The following SLMAP variants were observed in gnomAD, a reference collection of about 807,000 sequenced individuals.
SLMAP encodes sarcolemmal membrane-associated protein.
SLMAP carries 44 observed loss-of-function variants against 128.8 expected under a neutral mutation model. The ratio of observed to expected loss-of-function variants is 0.34; its 90% CI spans 0.27 to 0.44. The LOEUF (loss-of-function observed/expected upper bound fraction) is 0.44, where lower values mean the gene tolerates loss of function less well. SLMAP is among the 20% of genes least tolerant of loss of function. The pLI is 1.00. For synonymous variants in SLMAP, 327 were observed against 348.8 expected, an observed-to-expected ratio of 0.94 and a Z score of 0.70; for missense variants, 787 against 985.3, an observed-to-expected ratio of 0.80 and a Z score of 2.69.
intron 2 of SLMAP, among the ~76,000 whole-genome samples, chr3:57,768,084 T>C (rs1482374082): frequency 6.6e-6 from 1 of 152,184 alleles, no homozygotes; most frequent in Non-Finnish European, 1.5e-5. Context: ...GAAACAGCCT[T>C]GGAAAAACTT....
chr3:57,760,783 A>G (rs1376840149), intron 2 of SLMAP, among the ~76,000 whole-genome samples: 2 of 151,542 alleles, frequency 1.3e-5, no homozygotes, highest in East Asian at 3.9e-4. Context: ...GCTGGAGTGC[A>G]ATGGCGCGAT....
intron 5 of SLMAP, among the ~76,000 whole-genome samples, chr3:57,849,314 T>A (rs999660833): frequency 6.6e-6 from 1 of 152,204 alleles, no homozygotes; most frequent in East Asian, 1.9e-4. Context: ...TGACTTACAG[T>A]GTTTAAACAC....
intron 2 of SLMAP, among the ~76,000 whole-genome samples, chr3:57,830,163 T>A (rs576602111): frequency 2.6e-5 from 4 of 152,100 alleles, no homozygotes; most frequent in Non-Finnish European, 5.9e-5. Context: ...GCCTCCCAAG[T>A]AGCTGGGATT....
chr3:57,925,503 T>A (rs2096991620), intron 23 of SLMAP, among the ~76,000 whole-genome samples: 1 of 151,926 alleles, frequency 6.6e-6, no homozygotes, highest in African/African-American at 2.4e-5. Context: ...AACTTTTGTA[T>A]TTTTAGTAGA....
At chr3:57,782,563 C>G (rs1277416081) in intron 2 of SLMAP, among the ~76,000 whole-genome samples, 39 of 152,154 alleles carry the variant, frequency 2.6e-4, no homozygotes, top group Non-Finnish European at 4.4e-5. Flanking sequence ...ACTTCCACTT[C>G]CTGGGCTCAA....
intron 3 of SLMAP, among the ~76,000 whole-genome samples, chr3:57,832,067 C>T (rs1172497390): frequency 2.0e-5 from 3 of 152,230 alleles, no homozygotes; most frequent in Non-Finnish European, 4.4e-5. Context: ...TCTTGTGTGG[C>T]TCTCTTCTTA....
At chr3:57,854,319 G>A (rs1327069413) in intron 6 of SLMAP, among the ~76,000 whole-genome samples, 11 of 8,712 alleles carry the variant, frequency 1.3e-3, no homozygotes, top group South Asian at 7.1e-3. Context: ...TATATTGGCC[G>A]GGCACGGGGG....
At chr3:57,915,231 A>G (rs887573021) in intron 21 of SLMAP, among the ~76,000 whole-genome samples, 1 of 152,198 alleles carries the variant, frequency 6.6e-6, no homozygotes, top group African/African-American at 2.4e-5. Context: ...ATTAATTGGA[A>G]TCTGGCAGAT....
At position 57,896,035 on chromosome 3, in the gene SLMAP, T is replaced by G. The variant is rs532924824; in HGVS notation, c.1361-476T>G. Among the ~76,000 whole-genome samples the G allele has an allele frequency of 2.2e-5, 3 of 138,268 alleles. No homozygotes were observed. In the South Asian group the frequency reaches 7.4e-4, roughly 34 times the overall value. 90.7% of individuals were successfully genotyped at this position (138,268 alleles called of 152,430 possible). Reference sequence around the variant, plus strand: ...TTAATTTTCTTATTTTAAGTGGCACTTTTTTATAAGAACTGATCGTGGTTT... The same window carrying G: ...TTAATTTTCTTATTTTAAGTGGCACGTTTTTATAAGAACTGATCGTGGTTT... On this transcript the variant is annotated intron_variant, in intron 15 of 24. Coordinates refer to ENST00000671191, the MANE Select transcript of SLMAP (RefSeq NM_001377540.1).
intron 6 of SLMAP, among the ~76,000 whole-genome samples, chr3:57,856,010 T>C (rs1461709527): frequency 1.3e-5 from 2 of 150,912 alleles, no homozygotes; most frequent in African/African-American, 4.9e-5. Context: ...GCCATTGCAC[T>C]CCAGCCTGGG....
intron 2 of SLMAP, among the ~76,000 whole-genome samples, chr3:57,778,219 G>GT (rs1036117028): frequency 1.3e-5 from 2 of 151,840 alleles, no homozygotes; most frequent in African/African-American, 4.8e-5. Context: ...TTGATATTTT[G>GT]TATCTTTCAG....
intron 18 of SLMAP, among the ~76,000 whole-genome samples, chr3:57,908,525 C>T (rs1445427673): frequency 6.6e-6 from 1 of 152,168 alleles, no homozygotes; most frequent in African/African-American, 2.4e-5. Flanking sequence ...TCCAAGATGG[C>T]CTTCCTGCCT....
At chr3:57,832,496 A>C (rs2153549123) in intron 3 of SLMAP, among the ~76,000 whole-genome samples, 1 of 152,312 alleles carries the variant, frequency 6.6e-6, no homozygotes, top group Non-Finnish European at 1.5e-5. Flanking sequence ...ATGACCATGA[A>C]ATTATATAGC....
At chr3:57,783,730 A>C (rs1180135341) in intron 2 of SLMAP, among the ~76,000 whole-genome samples, 1 of 152,192 alleles carries the variant, frequency 6.6e-6, no homozygotes, top group Non-Finnish European at 1.5e-5. Context: ...ACTTATCATC[A>C]AGAAAATGGG....
At chr3:57,786,493 A>T (rs1319046312) in intron 2 of SLMAP, among the ~76,000 whole-genome samples, 1 of 152,130 alleles carries the variant, frequency 6.6e-6, no homozygotes, top group Non-Finnish European at 1.5e-5. Context: ...AATTGAGTAC[A>T]GTAATACATT....
intron 16 of SLMAP, 140 bp downstream of exon 16, chr3:57,896,731 G>T (rs2096252914): frequency 7.7e-7 from 1 of 1,294,544 alleles, no homozygotes; most frequent in Non-Finnish European, 1.1e-6. Context: ...CCCTTTGAAT[G>T]CTGGATATTT....
At position 57,791,084 on chromosome 3, in the gene SLMAP, G is replaced by A. The variant is rs569279624; in HGVS notation, c.198+33235G>A. On this transcript the variant is annotated intron_variant, in intron 2 of 24. Transcript: ENST00000671191. Reference sequence around the variant, plus strand: ...TACTTTTAAAAAATTGGATGGACGCGTTGGCTTACGCTTGTAATCCCAGCA... The same window carrying A: ...TACTTTTAAAAAATTGGATGGACGCATTGGCTTACGCTTGTAATCCCAGCA... Among the ~76,000 whole-genome samples the A allele has an allele frequency of 4.5e-4, 68 of 152,230 alleles. No individual in the cohort carries two copies. In the South Asian group the frequency reaches 0.014, roughly 31 times the overall value.
intron 21 of SLMAP, among the ~76,000 whole-genome samples, chr3:57,914,761 T>C (rs905583585): frequency 6.6e-6 from 1 of 152,026 alleles, no homozygotes; most frequent in African/African-American, 2.4e-5. Context: ...TTTGTATTTT[T>C]AGTAGAGACG....
At chr3:57,781,342 G>A (rs1421182341) in intron 2 of SLMAP, among the ~76,000 whole-genome samples, 1 of 152,138 alleles carries the variant, frequency 6.6e-6, no homozygotes, top group Non-Finnish European at 1.5e-5. Flanking sequence ...AAAATGATTG[G>A]CTGGCTTTTT....
Sources: allele counts gnomAD v4.1 joint callset (sites outside exome capture counted in the v4.1 genomes callset), GRCh38; gene constraint gnomAD v4.1.1; transcripts MANE v1.5; gene names NCBI Gene and HGNC (gene_info 2026-07-23, HGNC 2026-07-21).